Variants in IRAG2 observed in about 807,000 individuals in gnomAD.
The protein encoded by IRAG2 is inositol 1,4,5-triphosphate receptor associated 2.
A neutral mutation model predicts 69.9 loss-of-function variants in IRAG2; 45 were observed. The observed-to-expected ratio is 0.64, with a 90% CI of 0.51 to 0.83. The LOEUF (loss-of-function observed/expected upper bound fraction) is 0.83. IRAG2 is among the 40% of genes least tolerant of loss of function. The probability of loss-of-function intolerance (pLI) is 0.00; values close to 1 mark genes in which losing one functional copy is unlikely to be tolerated. For synonymous variants in IRAG2, 193 were observed against 202.4 expected (o/e 0.95, Z 0.40); for missense variants, 520 against 587.0 (o/e 0.89, Z 1.18).
Position 25,077,277 on chromosome 12 carries a change from A to AATATATATG in IRAG2, c.25-1958_25-1950dup, listed in dbSNP as rs1425343046. ...TGATATATATATGAAATATATATGA[A>AATATATATG]ATATATATGATATATATATGAAATA... On this transcript the variant is annotated intron_variant, in intron 6 of 21. Transcript: ENST00000556887. Among the ~76,000 whole-genome samples, 26 of 21,812 alleles carry AATATATATG rather than the reference A, an allele frequency of 1.2e-3. 3 individuals carry two copies. Among genetic ancestry groups the AATATATATG allele is most frequent in the African/African-American group, 3.9e-3 (26 of 6,704 alleles). The allele number at this position is 21,812 out of a possible 152,430, so 14.3% of individuals were successfully genotyped here.
At chr12:25,041,284 G>A (rs1402583440) in intron 16 of IRAG2, among the ~76,000 whole-genome samples, 2 of 152,152 alleles carry the variant, frequency 1.3e-5, no homozygotes, top group African/African-American at 4.8e-5. Context: ...TTAGGAGTTG[G>A]GATTTCATTG....
At chr12:25,046,402 A>G (rs908938475) in intron 16 of IRAG2, among the ~76,000 whole-genome samples, 2 of 152,130 alleles carry the variant, frequency 1.3e-5, no homozygotes, top group Non-Finnish European at 2.9e-5. Context: ...TAAAAGGAAG[A>G]AGTAAAATGA....
chr12:25,105,417 T>A (rs140106794), intron 20 of IRAG2, among the ~76,000 whole-genome samples: 4 of 152,264 alleles, frequency 2.6e-5, no homozygotes, highest in Admixed American at 2.0e-4. Flanking sequence ...CTTAAGGAGA[T>A]GATTTTATGT....
chr12:25,083,025 T>C (rs1947331163), intron 9 of IRAG2, among the ~76,000 whole-genome samples: 1 of 152,188 alleles, frequency 6.6e-6, no homozygotes, highest in African/African-American at 2.4e-5. Flanking sequence ...GTTATCAGCC[T>C]TGCAAATACA....
intron 5 of IRAG2, among the ~76,000 whole-genome samples, chr12:25,015,626 T>C (rs1353397819): frequency 2.6e-5 from 4 of 152,246 alleles, no homozygotes; most frequent in Non-Finnish European, 5.9e-5. Context: ...CAAATTCTCG[T>C]ATGACTAGTA....
intron 10 of IRAG2, among the ~76,000 whole-genome samples, chr12:25,084,238 A>G (rs777134696): frequency 2.6e-5 from 4 of 152,144 alleles, no homozygotes; most frequent in Admixed American, 6.5e-5. Context: ...ATATAAAAAC[A>G]AATCTGCCGG....
upstream of IRAG2, chr12:25,052,309 T>A (rs974966045): frequency 1.8e-5 from 7 of 392,568 alleles, no homozygotes; most frequent in African/African-American, 6.4e-5. Context: ...AGGAAGAGGC[T>A]CCAAGAAACC....
intron 6 of IRAG2, among the ~76,000 whole-genome samples, chr12:25,077,639 C>T (rs910807486): frequency 6.6e-6 from 1 of 151,744 alleles, no homozygotes; most frequent in Non-Finnish European, 1.5e-5. Flanking sequence ...CATGCTTGGC[C>T]TACGGGCTTC....
At chr12:25,033,232 G>A (rs1189385382) in intron 12 of IRAG2, among the ~76,000 whole-genome samples, 5 of 152,152 alleles carry the variant, frequency 3.3e-5, no homozygotes, top group Non-Finnish European at 5.9e-5. Context: ...TGGGATTACA[G>A]GTGTGAGCCA....
intron 16 of IRAG2, among the ~76,000 whole-genome samples, chr12:25,038,515 G>A (rs1040125081): frequency 3.7e-4 from 56 of 152,042 alleles, no homozygotes; most frequent in African/African-American, 1.3e-3. Flanking sequence ...TGGTGGTAAT[G>A]CCTGTAATCC....
intron 13 of IRAG2, among the ~76,000 whole-genome samples, chr12:25,034,978 G>A (rs976580845): frequency 2.0e-5 from 3 of 152,204 alleles, no homozygotes; most frequent in Non-Finnish European, 4.4e-5. Context: ...TGCCACAGCA[G>A]TGTGTTTTTA....
rs768030368 is a variant in IRAG2, at chr12:25,101,158, C to G, written c.742-20C>G. 2 of 1,582,270 alleles carry G rather than the reference C, an allele frequency of 1.3e-6. No individual in the cohort carries two copies. The highest frequency in any genetic ancestry group is 1.7e-6 in the Non-Finnish European group (2 of 1,163,114). On this transcript the variant is annotated intron_variant, in intron 15 of 21. Transcript: ENST00000556887. Reference sequence around the variant, plus strand: ...GAGTAGTATTTTCAATGTAAATGTGCTCGTTTTTTCTCTTGCTAGGAAAGC... The same window carrying G: ...GAGTAGTATTTTCAATGTAAATGTGGTCGTTTTTTCTCTTGCTAGGAAAGC...
chr12:25,090,575 C>G (rs1349657341), intron 14 of IRAG2, among the ~76,000 whole-genome samples: 1 of 151,980 alleles, frequency 6.6e-6, no homozygotes. Context: ...CCACAGAAAA[C>G]ATTTGGTCAT....
upstream of IRAG2, among the ~76,000 whole-genome samples, chr12:25,048,275 C>T (rs1439934259): frequency 1.3e-5 from 2 of 152,008 alleles, no homozygotes; most frequent in Non-Finnish European, 1.5e-5. Flanking sequence ...GTGTCTGTTC[C>T]TGTCCTTTGC....
At chr12:25,073,347 G>A (rs1274093310) in intron 6 of IRAG2, among the ~76,000 whole-genome samples, 1 of 152,208 alleles carries the variant, frequency 6.6e-6, no homozygotes, top group Non-Finnish European at 1.5e-5. Context: ...TACAGTAGCT[G>A]CCCAATAATA....
chr12:25,060,500 C>T (rs1945549208), intron 1 of IRAG2, among the ~76,000 whole-genome samples: 1 of 151,796 alleles, frequency 6.6e-6, no homozygotes. Flanking sequence ...CATGATTTAC[C>T]AGTTACCTTT....
chr12:25,030,976 C>T, intron 10 of IRAG2: 1 of 947,910 alleles, frequency 1.1e-6, no homozygotes, highest in Non-Finnish European at 1.3e-6. Context: ...AGATATCATT[C>T]TATTCTTGTA....
intron 2 of IRAG2, among the ~76,000 whole-genome samples, chr12:25,007,816 C>A (rs372244538): frequency 1.3e-5 from 2 of 152,170 alleles, no homozygotes; most frequent in East Asian, 1.9e-4. Flanking sequence ...GCCACTGCAC[C>A]CAGCCCATTC....
intron 3 of IRAG2, among the ~76,000 whole-genome samples, chr12:25,011,844 G>A (rs1273830874): frequency 6.6e-6 from 1 of 152,182 alleles, no homozygotes; most frequent in African/African-American, 2.4e-5. Context: ...CTTGTGATTA[G>A]TGGGGAGCAC....
Sources: allele counts gnomAD v4.1 joint callset (sites outside exome capture counted in the v4.1 genomes callset), GRCh38; gene constraint gnomAD v4.1.1; transcripts MANE v1.5; gene names NCBI Gene and HGNC (gene_info 2026-07-23, HGNC 2026-07-21).